COL5A1: variants seen among roughly 807,000 people sequenced by gnomAD.
COL5A1 encodes collagen alpha-1(V) chain.
A neutral mutation model predicts 263.7 loss-of-function variants in COL5A1; 16 were observed. The observed-to-expected ratio is 0.06, with a 90% CI of 0.04 to 0.09. The LOEUF (loss-of-function observed/expected upper bound fraction) is 0.09. Among genes scored for constraint, COL5A1 ranks in the 10% least tolerant of loss-of-function variants. COL5A1 has a pLI of 1.00. For synonymous variants in COL5A1, 1,012 were observed against 1,004.5 expected (o/e 1.01, Z -0.14); for missense variants, 2,036 against 2,540.5 (o/e 0.80, Z 4.27).
In COL5A1 at chr9:134,642,540, G is replaced by T. The variant is rs1398214011; in HGVS notation, c.109+244G>T. Among the ~76,000 whole-genome samples, 1 of 152,140 alleles carries T rather than the reference G, an allele frequency of 6.6e-6. No individual in the cohort carries two copies. The highest frequency in any genetic ancestry group is 2.1e-4 in the South Asian group (1 of 4,828). ...GTCGGGTGGGGCTGTCGCGCGAGCC[G>T]AGGAAGGACCGAGGGCTGGATCAGC... On this transcript the variant is annotated intron_variant, in intron 1 of 65. Coordinates refer to ENST00000371817, the MANE Select transcript of COL5A1 (RefSeq NM_000093.5). This position sits in a 1 kb window ranked among gnomAD's most constrained non-coding sequence, Gnocchi z 4.5.
chr9:134,738,237 C>T (rs1835173566), intron 9 of COL5A1, among the ~76,000 whole-genome samples: 1 of 152,208 alleles, frequency 6.6e-6, no homozygotes. Context: ...TTGCGGGAGC[C>T]TGTGTCTGTC....
chr9:134,823,534 A>C, intron 61 of COL5A1, 65 bp downstream of exon 61: 1 of 1,551,372 alleles, frequency 6.4e-7, no homozygotes, highest in Non-Finnish European at 8.9e-7. Flanking sequence ...GGAATTGAGA[A>C]AGCAACTGTG....
chr9:134,792,358 C>T (rs1012976617), intron 32 of COL5A1, among the ~76,000 whole-genome samples: 1 of 152,056 alleles, frequency 6.6e-6, no homozygotes, highest in African/African-American at 2.4e-5. Context: ...CTGTGCTCAT[C>T]CAGAGAGGTC....
chr9:134,657,952 T>C (rs1320550723), intron 1 of COL5A1, among the ~76,000 whole-genome samples: 1 of 151,194 alleles, frequency 6.6e-6, no homozygotes, highest in South Asian at 2.1e-4. Context: ...GGCCTGGGAG[T>C]CCTGGCCTGT....
chr9:134,789,299 TCA>T lies in COL5A1; in HGVS notation c.2700+93_2700+94del. ...CTCCAGCCGACGGCCTGTTTATTTC[TCA>T]CTCTCTTGCTTCTGAAACTGCTCTC... On this transcript the variant is annotated intron_variant, in intron 32 of 65. Transcript: ENST00000371817. The surrounding 1 kb of genome is among the most constrained non-coding windows in gnomAD (Gnocchi z 4.8). The T allele has an allele frequency of 9.4e-7, 1 of 1,066,868 alleles. No individual in the cohort carries two copies. The highest frequency in any genetic ancestry group is 1.3e-5 in the South Asian group (1 of 75,922). The allele number at this position is 1,066,868 out of a possible 1,614,324, so 66.1% of individuals were successfully genotyped here. A position where few individuals can be genotyped will look rare whatever the true frequency, so the allele number is the denominator to read the frequency against.
chr9:134,667,790 A>G (rs1335791292), intron 1 of COL5A1, among the ~76,000 whole-genome samples: 1 of 151,542 alleles, frequency 6.6e-6, no homozygotes, highest in Non-Finnish European at 1.5e-5. Flanking sequence ...ACTCTAGGAC[A>G]GGGGGCTCTG....
At chr9:134,726,829 TG>T (rs1246222275) in intron 4 of COL5A1, among the ~76,000 whole-genome samples, 3 of 140,068 alleles carry the variant, frequency 2.1e-5, no homozygotes, top group Admixed American at 7.3e-5. Flanking sequence ...AGTGAATGAG[TG>T]GACAGATGGA....
intron 27 of COL5A1, among the ~76,000 whole-genome samples, chr9:134,779,092 C>T (rs1208163637): frequency 6.6e-6 from 1 of 152,258 alleles, no homozygotes; most frequent in African/African-American, 2.4e-5. Flanking sequence ...CCGGCAGGCC[C>T]TGCGTCCTCC....
rs764649892 is a variant in COL5A1 at position 134,835,203 on chromosome 9, C to T, written c.5369C>T (p.Ala1790Val). 6.2e-7 allele frequency: 1 copy of T among 1,612,680 alleles called. No individual in the cohort carries two copies. Among genetic ancestry groups the T allele is most frequent in the Non-Finnish European group, 8.5e-7 (1 of 1,179,342 alleles). The change falls in exon 65 of 66, where the codon GCT (alanine) becomes GTT (valine). Residue 1790 changes from alanine (A) to valine (V), a missense_variant and splice_region_variant. Transcript: ENST00000371817. ...ATCCGCGCCCTGGTGGACGGCTGTG[C>T]TGTGAGTATCCCGCGCCGCGCCCAG... ...PYIRALVDGCATKKGYQKTVL... is the reference protein window; with the variant it reads ...PYIRALVDGCVTKKGYQKTVL...
chr9:134,765,000 G>A (rs371264845), intron 20 of COL5A1, among the ~76,000 whole-genome samples: 30 of 152,282 alleles, frequency 2.0e-4, no homozygotes, highest in African/African-American at 6.5e-4. Context: ...GTAATTCTCC[G>A]TGGGTGGGGG....
At chr9:134,650,988 T>C (rs903225283) in intron 1 of COL5A1, among the ~76,000 whole-genome samples, 1 of 152,234 alleles carries the variant, frequency 6.6e-6, no homozygotes, top group African/African-American at 2.4e-5. Context: ...TACAGTCACA[T>C]GCATGGACGC....
At position 134,767,362 on chromosome 9, in the gene COL5A1, G is replaced by A. The variant is rs781729020; in HGVS notation, c.2232+8G>A. The A allele has an allele frequency of 1.2e-6, 2 of 1,613,834 alleles. No homozygotes were observed. Among genetic ancestry groups the A allele is most frequent in the Admixed American group, 1.7e-5 (1 of 60,024 alleles). On this transcript the variant is annotated splice_region_variant and intron_variant, in intron 24 of 65. Coordinates refer to ENST00000371817, the MANE Select transcript of COL5A1 (RefSeq NM_000093.5). ...GGTCCTCCAGGAGAAAAGGTAGGTG[G>A]GCCTGGGCTGTGTTGCAGGCCACTG...
chr9:134,793,324 A>G (rs1237132407), intron 32 of COL5A1, among the ~76,000 whole-genome samples: 2 of 151,964 alleles, frequency 1.3e-5, no homozygotes, highest in African/African-American at 2.4e-5. Flanking sequence ...ACTCCTTCCT[A>G]AGGGCAAGAA....
At chr9:134,808,831 C>A (rs1018016403) in intron 42 of COL5A1, 2 of 347,176 alleles carry the variant, frequency 5.8e-6, no homozygotes, top group Non-Finnish European at 1.1e-5. Context: ...GGCTTGGCTC[C>A]CGGTCACTAG....
rs977287848 is a variant in COL5A1 at position 134,641,873 on chromosome 9, C to G, written c.-315C>G. The G allele has an allele frequency of 5.1e-6, 2 of 389,418 alleles. No individual in the cohort carries two copies. Among genetic ancestry groups the G allele is most frequent in the Non-Finnish European group, 9.1e-6 (2 of 220,476 alleles). 24.1% of individuals were successfully genotyped at this position (389,418 alleles called of 1,614,324 possible). ...CGGAGCGCCCACGGGGAGCGGGTCG[C>G]GGGGCGGCGGCGGCGAGGAGGAGGC... On this transcript the variant is annotated 5_prime_UTR_variant, in exon 1 of 66. Coordinates refer to ENST00000371817, the MANE Select transcript of COL5A1 (RefSeq NM_000093.5).
At position 134,789,266 on chromosome 9, in the gene COL5A1, AG is replaced by A. The variant is rs2132784680; in HGVS notation, c.2700+59del. ...TGTTCGGCTGCCTCGGTGCCTAGCA[AG>A]TTGGTTCTCCAGCCGACGGCCTGTT... is the stretch of plus-strand genomic sequence containing the variant. On this transcript the variant is annotated intron_variant, in intron 32 of 65. Coordinates refer to ENST00000371817, the MANE Select transcript of COL5A1 (RefSeq NM_000093.5). The surrounding 1 kb of genome is among the most constrained non-coding windows in gnomAD (Gnocchi z 4.8). The A allele has an allele frequency of 6.9e-7, 1 of 1,453,880 alleles. No individual in the cohort carries two copies. The highest frequency in any genetic ancestry group is 2.3e-5 in the East Asian group (1 of 44,030). 90.1% of individuals were successfully genotyped at this position (1,453,880 alleles called of 1,614,324 possible). A position where few individuals can be genotyped will look rare whatever the true frequency, so the allele number is the denominator to read the frequency against.
chr9:134,642,909 T>A lies in COL5A1; in HGVS notation c.109+613T>A, dbSNP rs974907366. Among the ~76,000 whole-genome samples, 10 of 152,354 alleles carry A rather than the reference T, an allele frequency of 6.6e-5. No individual in the cohort carries two copies. Among genetic ancestry groups the A allele is most frequent in the Admixed American group, 6.5e-4 (10 of 15,302 alleles). ...ACCCCTGCAGGGTGGTAGACAGCCC[T>A]GCTCCTAATCCCACCCCCAAACTTC... On this transcript the variant is annotated intron_variant, in intron 1 of 65. Coordinates refer to ENST00000371817, the MANE Select transcript of COL5A1 (RefSeq NM_000093.5). The surrounding 1 kb of genome is among the most constrained non-coding windows in gnomAD (Gnocchi z 4.5).
chr9:134,691,929 C>A (rs993146428), intron 2 of COL5A1: 2 of 152,224 alleles, frequency 1.3e-5, no homozygotes, highest in African/African-American at 4.8e-5. Flanking sequence ...ACGATCAGGG[C>A]AGTCTTTGAA....
In COL5A1 at chr9:134,696,940, G is replaced by A. The variant is rs555851570; in HGVS notation, c.278-2969G>A. 1.7e-4 allele frequency among the ~76,000 whole-genome samples: 26 copies of A among 152,162 alleles called. No homozygotes were observed. The East Asian group carries it at 3.3e-3, about 19-fold the overall frequency. On this transcript the variant is annotated intron_variant, in intron 2 of 65. Coordinates refer to ENST00000371817, the MANE Select transcript of COL5A1 (RefSeq NM_000093.5). This position sits in a 1 kb window ranked among gnomAD's most constrained non-coding sequence, Gnocchi z 4.3. ...AAAAAAATTAGCCAGGCTTGGTGGC[G>A]GGTGCCTGTAGTCCCAGCTACTCGG...
Sources: gnomAD v4.1 joint callset for allele counts (sites outside exome capture counted in the v4.1 genomes callset) on GRCh38, gnomAD v4.1.1 for gene constraint, Gnocchi (gnomAD v3.1) non-coding constraint, MANE v1.5 for transcripts, NCBI Gene and HGNC (gene_info 2026-07-23, HGNC 2026-07-21) for gene names.